The following USP13 variants were observed in gnomAD, a reference collection of about 807,000 sequenced individuals.
USP13 encodes the protein ubiquitin carboxyl-terminal hydrolase 13.
In USP13, 68 loss-of-function variants were observed where a neutral mutation model predicts 107.8. The observed-to-expected ratio is 0.63, with a 90% CI of 0.52 to 0.77. The LOEUF (loss-of-function observed/expected upper bound fraction) is 0.77. USP13 is among the 30% of genes least tolerant of loss of function. The pLI is 0.00. For missense variants in USP13, 945 were observed against 1,093.3 expected (o/e 0.86, Z 1.91); for synonymous variants, 377 against 389.5 (o/e 0.97, Z 0.38).
In USP13 at chr3:179,751,994, C is replaced by T. The variant is rs1357483592; in HGVS notation, c.1710-291C>T. Among the ~76,000 whole-genome samples the T allele has an allele frequency of 2.6e-5, 4 of 152,306 alleles. No homozygotes were observed. The South Asian group carries it at 6.2e-4, about 24-fold the overall frequency. On this transcript the variant is annotated intron_variant, in intron 13 of 20. Transcript: ENST00000263966. ...CTGACCTCAGGTGATCTGCCCACCT[C>T]GGCCTCCCAAAGTGCTGGGATTACA...
At position 179,764,022 on chromosome 3, in the gene USP13, A is replaced by G. The variant is rs1454617811; in HGVS notation, c.2113A>G (p.Met705Val). ...CTCAGATTTTGCTGAGCCGCTGACC[A>G]TGCCTGGTTATGGAGGGGCAGCTTC... ...EEPDFAEPLTMPGYGGAASAG... is the reference protein window; with the variant it reads ...EEPDFAEPLTVPGYGGAASAG... The change falls in exon 18 of 21, where the codon ATG becomes GTG. Residue 705 changes from methionine to valine, a missense_variant. Met to Val is a conservative substitution (Grantham distance 21). Transcript: ENST00000263966. 7 of 1,613,008 alleles carry G rather than the reference A, an allele frequency of 4.3e-6. No homozygotes were observed. The highest frequency in any genetic ancestry group is 5.9e-6 in the Non-Finnish European group (7 of 1,179,772).
intron 8 of USP13, among the ~76,000 whole-genome samples, chr3:179,724,885 C>T (rs1442745278): frequency 6.6e-6 from 1 of 152,154 alleles, no homozygotes; most frequent in African/African-American, 2.4e-5. Context: ...CTTTTTCTCC[C>T]TGACCTCAGG....
intron 15 of USP13, among the ~76,000 whole-genome samples, chr3:179,755,242 T>C (rs1714748520): frequency 6.6e-6 from 1 of 152,202 alleles, no homozygotes; most frequent in Non-Finnish European, 1.5e-5. Context: ...AGGAAGAGAT[T>C]TGAGTTTCTC....
At chr3:179,688,851 G>A (rs534212603) in intron 2 of USP13, among the ~76,000 whole-genome samples, 1 of 152,356 alleles carries the variant, frequency 6.6e-6, no homozygotes, top group African/African-American at 2.4e-5. Flanking sequence ...TAAGTGGAAA[G>A]GGGGAAGAAA....
At chr3:179,720,934 G>A (rs1172757142) in intron 7 of USP13, among the ~76,000 whole-genome samples, 3 of 151,670 alleles carry the variant, frequency 2.0e-5, no homozygotes, top group East Asian at 1.9e-4. Context: ...TCAGCCTCCC[G>A]AGTAGCTGGG....
chr3:179,688,168 T>TCC (rs1711955401), intron 2 of USP13, among the ~76,000 whole-genome samples: 2 of 131,770 alleles, frequency 1.5e-5, no homozygotes, highest in African/African-American at 5.7e-5. Flanking sequence ...CATCCATCCG[T>TCC]ATATCCATCC....
rs560465538 is a variant in USP13 at position 179,745,505 on chromosome 3, C to T, written c.1709+288C>T. ...TCTCTATTAGGAGCCTTCCTTCCTTCCTTCCTTCCTTTCTTTCTTCCTTTC... is the reference window on the plus strand; with the variant it reads ...TCTCTATTAGGAGCCTTCCTTCCTTTCTTCCTTCCTTTCTTTCTTCCTTTC... On this transcript the variant is annotated intron_variant, in intron 13 of 20. Coordinates refer to ENST00000263966, the MANE Select transcript of USP13 (RefSeq NM_003940.3). 3.4e-3 allele frequency among the ~76,000 whole-genome samples: 498 copies of T among 148,392 alleles called. 7 individuals are homozygous for T. Among genetic ancestry groups the T allele is most frequent in the African/African-American group, 0.012 (472 of 38,156 alleles).
chr3:179,653,594 T>C lies in USP13; in HGVS notation c.168+201T>C. 1.4e-6 allele frequency: 1 copy of C among 719,216 alleles called. No individual in the cohort carries two copies. 44.6% of individuals were successfully genotyped at this position (719,216 alleles called of 1,614,324 possible). ...CGAGGACTGGCTCGTGCTGGTGGTTTTGCTCCGCCAGCCTCCCCAGGCTGG... is the reference window on the plus strand; with the variant it reads ...CGAGGACTGGCTCGTGCTGGTGGTTCTGCTCCGCCAGCCTCCCCAGGCTGG... On this transcript the variant is annotated intron_variant, in intron 1 of 20. Transcript: ENST00000263966. This position sits in a 1 kb window ranked among gnomAD's most constrained non-coding sequence, Gnocchi z 4.0.
chr3:179,741,203 GTTTGTTTGTTTGTT>G (rs1362930383), intron 11 of USP13, among the ~76,000 whole-genome samples: 5 of 151,534 alleles, frequency 3.3e-5, no homozygotes, highest in Admixed American at 6.6e-5. Context: ...TTGTTTGTTT[GTTTGTTTGTTTGTT>G]TTTGTTTGTT....
At chr3:179,761,070 A>T in intron 16 of USP13, 42 bp from the exon 17 acceptor site, 1 of 1,612,108 alleles carries the variant, frequency 6.2e-7, no homozygotes, top group Non-Finnish European at 8.5e-7. Flanking sequence ...AAGAAGCGAC[A>T]GTTTCCTCTT....
intron 1 of USP13, among the ~76,000 whole-genome samples, chr3:179,671,995 C>A (rs1366471956): frequency 6.6e-6 from 1 of 152,160 alleles, no homozygotes; most frequent in South Asian, 2.1e-4. Flanking sequence ...GTTTCCTGAG[C>A]GCGTTGCTCA....
chr3:179,740,267 T>TC lies in USP13; in HGVS notation c.1277dup (p.Arg427AlafsTer4). On this transcript the variant is annotated frameshift_variant, in exon 11 of 21. Coordinates refer to ENST00000263966, the MANE Select transcript of USP13 (RefSeq NM_003940.3). LOFTEE classifies it high-confidence loss of function. ...ATTAGCCACAGCAGAACGGGATCTC[T>TC]CCGCGCATGTTTAAGGCCTTTGTAA... is the stretch of plus-strand genomic sequence containing the variant. 6.2e-7 allele frequency: 1 copy of TC among 1,614,120 alleles called. No homozygotes were observed. Among genetic ancestry groups the TC allele is most frequent in the Non-Finnish European group, 8.5e-7 (1 of 1,180,028 alleles).
rs1202629005 is a variant in USP13, at chr3:179,779,749, AAG to A, written c.2414-1988_2414-1987del. Among the ~76,000 whole-genome samples the A allele has an allele frequency of 3.4e-3, 514 of 151,944 alleles. 3 individuals are homozygous for A. Among genetic ancestry groups the A allele is most frequent in the African/African-American group, 0.012 (502 of 41,446 alleles). On this transcript the variant is annotated intron_variant, in intron 19 of 20. Coordinates refer to ENST00000263966, the MANE Select transcript of USP13 (RefSeq NM_003940.3). ...AAAAAAAAAAAAAAGAAAAAGAAAAAAGAAAGAAAAAAAACCACTCTGGCAGC... is the reference window on the plus strand; with the variant it reads ...AAAAAAAAAAAAAAGAAAAAGAAAAAAAAGAAAAAAAACCACTCTGGCAGC...
chr3:179,690,109 G>A, intron 2 of USP13, 132 bp from the exon 3 acceptor site: 1 of 782,660 alleles, frequency 1.3e-6, no homozygotes, highest in Non-Finnish European at 2.0e-6. Context: ...GTTTATCCTG[G>A]AATTGCTAAT....
At chr3:179,753,602 C>G (rs1039743368) in intron 14 of USP13, among the ~76,000 whole-genome samples, 14 of 152,278 alleles carry the variant, frequency 9.2e-5, no homozygotes, top group Admixed American at 6.5e-4. Context: ...GAATTTTTCT[C>G]TTAAGGAGCA....
intron 1 of USP13, among the ~76,000 whole-genome samples, chr3:179,670,653 A>G (rs1280027406): frequency 6.6e-6 from 1 of 151,962 alleles, no homozygotes; most frequent in Non-Finnish European, 1.5e-5. Flanking sequence ...ATATCAAATT[A>G]TTGGCCGGGC....
At chr3:179,778,716 A>G (rs1335131686) in intron 19 of USP13, among the ~76,000 whole-genome samples, 3 of 151,926 alleles carry the variant, frequency 2.0e-5, no homozygotes, top group Non-Finnish European at 4.4e-5. Context: ...CAGTGAGCCG[A>G]GATCACGCCA....
chr3:179,722,312 A>G (rs1713353898), intron 8 of USP13, among the ~76,000 whole-genome samples: 1 of 152,036 alleles, frequency 6.6e-6, no homozygotes, highest in African/African-American at 2.4e-5. Context: ...ATTTTTTGCT[A>G]CTTACAGTGT....
intron 2 of USP13, among the ~76,000 whole-genome samples, chr3:179,688,133 A>ATC (rs1711950755): frequency 9.4e-5 from 3 of 31,968 alleles, no homozygotes; most frequent in East Asian, 1.4e-3. Flanking sequence ...ATCCATCCAT[A>ATC]TATCCATCCA....
Sources: allele counts gnomAD v4.1 joint callset (sites outside exome capture counted in the v4.1 genomes callset), GRCh38; gene constraint gnomAD v4.1.1; non-coding constraint Gnocchi (gnomAD v3.1); transcripts MANE v1.5; gene names NCBI Gene and HGNC (gene_info 2026-07-23, HGNC 2026-07-21).